Variants in NSG2 observed in about 807,000 individuals in gnomAD.
The protein encoded by NSG2 is neuronal vesicle trafficking-associated protein 2.
NSG2 carries 4 observed loss-of-function variants against 16.9 expected under a neutral mutation model. The observed-to-expected ratio is 0.24, with a 90% CI of 0.12 to 0.54. The LOEUF (loss-of-function observed/expected upper bound fraction) is 0.54. Ranked by LOEUF, NSG2 falls within the 20% of genes least tolerant of loss-of-function variation. The pLI is 0.95. For synonymous variants in NSG2, 98 were observed against 88.7 expected, an observed-to-expected ratio of 1.11 and a Z score of -0.59; for missense variants, 179 against 221.1, an observed-to-expected ratio of 0.81 and a Z score of 1.21.
intron 3 of NSG2, among the ~76,000 whole-genome samples, chr5:174,078,692 C>G (rs1266886336): frequency 1.3e-5 from 2 of 152,118 alleles, no homozygotes; most frequent in East Asian, 1.9e-4. Flanking sequence ...GGGGGTGGAG[C>G]TCTCATGAAT....
chr5:174,054,679 T>C (rs1759940072), intron 2 of NSG2, among the ~76,000 whole-genome samples: 1 of 152,192 alleles, frequency 6.6e-6, no homozygotes. Context: ...ACACCTGGCC[T>C]CAGATTTTCT....
intron 2 of NSG2, among the ~76,000 whole-genome samples, chr5:174,054,972 T>G (rs1178730199): frequency 6.6e-6 from 1 of 152,218 alleles, no homozygotes; most frequent in East Asian, 1.9e-4. Flanking sequence ...ATAGCAAATG[T>G]TTATCATAGT....
chr5:174,075,946 G>A (rs1345859159), intron 3 of NSG2, among the ~76,000 whole-genome samples: 1 of 152,204 alleles, frequency 6.6e-6, no homozygotes, highest in African/African-American at 2.4e-5. Flanking sequence ...AACTGGGAGG[G>A]AATTTGGTTC....
At chr5:174,083,719 C>A (rs1438711108) in intron 3 of NSG2, among the ~76,000 whole-genome samples, 1 of 152,142 alleles carries the variant, frequency 6.6e-6, no homozygotes, top group East Asian at 1.9e-4. Flanking sequence ...CAAGACTCTG[C>A]CTTCAGTAAA....
rs1759795946 is a variant in NSG2 at position 174,046,380 on chromosome 5, A to G, written c.-22-354A>G. ...GGGGGGGGTGGTATAATAGGACTTC[A>G]TTTTGCACTAAGTATAATCTTTTTA... is the stretch of plus-strand genomic sequence containing the variant. On this transcript the variant is annotated intron_variant, in intron 1 of 4. Coordinates refer to ENST00000303177, the MANE Select transcript of NSG2 (RefSeq NM_015980.5). 3.3e-5 allele frequency among the ~76,000 whole-genome samples: 5 copies of G among 152,072 alleles called. No homozygotes were observed. In the South Asian group the frequency reaches 8.3e-4, roughly 25 times the overall value.
chr5:174,046,913 C>G lies in NSG2; in HGVS notation c.129+29C>G, dbSNP rs761482075. The G allele has an allele frequency of 4.4e-6, 7 of 1,606,544 alleles. No individual in the cohort carries two copies. In the Admixed American group the frequency reaches 1.2e-4, roughly 27 times the overall value. On this transcript the variant is annotated intron_variant, in intron 2 of 4. Transcript: ENST00000303177. ...AAGCATGTCCTCTTGCTCTCATCAG[C>G]CCCCAGGCTCCCCCCATCTCAGGAA...
At chr5:174,071,596 TG>T (rs1317472074) in intron 3 of NSG2, among the ~76,000 whole-genome samples, 1 of 151,998 alleles carries the variant, frequency 6.6e-6, no homozygotes, top group African/African-American at 2.4e-5. Context: ...CATTAGAAGG[TG>T]TGGATTTTTG....
intron 3 of NSG2, among the ~76,000 whole-genome samples, chr5:174,094,947 C>T (rs113867024): frequency 5.3e-5 from 8 of 152,290 alleles, no homozygotes; most frequent in African/African-American, 1.2e-4. Context: ...ACATGACACA[C>T]GCAATGAACA....
At chr5:174,099,306 C>T (rs569134638) in intron 3 of NSG2, among the ~76,000 whole-genome samples, 7 of 152,286 alleles carry the variant, frequency 4.6e-5, no homozygotes, top group African/African-American at 1.7e-4. Flanking sequence ...CAGTGGAACT[C>T]GCCGGCCTGA....
At position 174,066,486 on chromosome 5, in the gene NSG2, A is replaced by G. The variant is rs1371536205; in HGVS notation, c.213+2171A>G. On this transcript the variant is annotated intron_variant, in intron 3 of 4. Coordinates refer to ENST00000303177, the MANE Select transcript of NSG2 (RefSeq NM_015980.5). ...TCAACAACTTTCTTGTGATTTCATA[A>G]ATGAGAACACATCCATATGATGAAC... 3.9e-5 allele frequency among the ~76,000 whole-genome samples: 6 copies of G among 152,350 alleles called. No individual in the cohort carries two copies. The East Asian group carries it at 1.2e-3, about 29-fold the overall frequency.
chr5:174,058,791 A>G (rs1760004387), intron 2 of NSG2, among the ~76,000 whole-genome samples: 1 of 152,256 alleles, frequency 6.6e-6, no homozygotes, highest in Non-Finnish European at 1.5e-5. Flanking sequence ...ATGGAGTTCC[A>G]AAGAGCTAAC....
intron 3 of NSG2, among the ~76,000 whole-genome samples, chr5:174,097,837 GTGTGTC>G (rs1442234937): frequency 6.6e-6 from 1 of 150,812 alleles, no homozygotes; most frequent in African/African-American, 2.5e-5. Context: ...GTCTCTTTGT[GTGTGTC>G]TGTGTGTGTG....
At chr5:174,070,043 A>G (rs947639907) in intron 3 of NSG2, among the ~76,000 whole-genome samples, 8 of 151,794 alleles carry the variant, frequency 5.3e-5, no homozygotes, top group African/African-American at 9.7e-5. Context: ...ATGCTCGGCT[A>G]ATTTAAAAAG....
At chr5:174,076,916 G>T (rs1434603066) in intron 3 of NSG2, among the ~76,000 whole-genome samples, 1 of 152,136 alleles carries the variant, frequency 6.6e-6, no homozygotes, top group Admixed American at 6.6e-5. Context: ...CAGCATGTTC[G>T]CTGGGTCTAA....
intron 3 of NSG2, among the ~76,000 whole-genome samples, chr5:174,071,703 C>CGT (rs1760245576): frequency 6.6e-6 from 1 of 152,200 alleles, no homozygotes; most frequent in Admixed American, 6.5e-5. Context: ...CCCAGCACGT[C>CGT]AGGCTGGCGG....
intron 2 of NSG2, 145 bp downstream of exon 2, chr5:174,047,029 C>T: frequency 2.5e-6 from 2 of 809,686 alleles, no homozygotes; most frequent in Non-Finnish European, 3.9e-6. Context: ...GTTATTCCTT[C>T]CAGAGCCAAG....
intron 3 of NSG2, 48 bp downstream of exon 3, chr5:174,064,363 C>G: frequency 2.2e-6 from 3 of 1,362,898 alleles, no homozygotes; most frequent in Non-Finnish European, 2.1e-6. Context: ...GAGGCTGGCT[C>G]CAGCCAGCTC....
intron 3 of NSG2, among the ~76,000 whole-genome samples, chr5:174,068,518 C>G (rs1381751003): frequency 6.6e-6 from 1 of 151,840 alleles, no homozygotes; most frequent in Non-Finnish European, 1.5e-5. Flanking sequence ...TCATGGGATC[C>G]TGGTGCTGTG....
At chr5:174,056,512 A>G (rs565728604) in intron 2 of NSG2, 21 of 152,232 alleles carry the variant, frequency 1.4e-4, no homozygotes, top group Admixed American at 2.6e-4. Context: ...AAAAATGGGA[A>G]TAATCATAAT....
Sources: gnomAD v4.1 joint callset for allele counts (sites outside exome capture counted in the v4.1 genomes callset) on GRCh38, gnomAD v4.1.1 for gene constraint, MANE v1.5 for transcripts, NCBI Gene and HGNC (gene_info 2026-07-23, HGNC 2026-07-21) for gene names.